The following RICTOR variants were observed in gnomAD, a reference collection of about 807,000 sequenced individuals.
RICTOR encodes RPTOR independent companion of MTOR complex 2.
RICTOR carries 49 observed loss-of-function variants against 214.9 expected under a neutral mutation model. The ratio of observed to expected loss-of-function variants is 0.23; its 90% CI spans 0.18 to 0.29. The LOEUF (loss-of-function observed/expected upper bound fraction) is 0.29. Ranked by LOEUF, RICTOR falls within the 10% of genes least tolerant of loss-of-function variation. RICTOR has a pLI of 1.00. For missense variants in RICTOR, 1,625 were observed against 2,047.0 expected (o/e 0.79, Z 3.98); for synonymous variants, 717 against 711.3 (o/e 1.01, Z -0.13).
At chr5:38,956,625 C>A (rs79297244) in intron 25 of RICTOR, among the ~76,000 whole-genome samples, 1 of 152,064 alleles carries the variant, frequency 6.6e-6, no homozygotes, top group Non-Finnish European at 1.5e-5. Flanking sequence ...TTTTGATAAT[C>A]CCTAAGGCAG....
chr5:38,966,817 T>TA (rs2150031408), intron 14 of RICTOR, 96 bp from the exon 15 acceptor site: 2 of 697,918 alleles, frequency 2.9e-6, no homozygotes, highest in Non-Finnish European at 2.4e-6. Flanking sequence ...TTTTTTTTTT[T>TA]AAGACAAGAG....
intron 11 of RICTOR, 125 bp from the exon 12 acceptor site, chr5:38,968,155 C>A: frequency 1.6e-6 from 1 of 630,664 alleles, no homozygotes; most frequent in Non-Finnish European, 2.9e-6. Context: ...TGTCACATAA[C>A]AATATTTTAG....
rs1255802073 is a variant in RICTOR at position 38,945,674 on chromosome 5, G to A, written c.4450C>T (p.Arg1484Ter). The change falls in exon 34 of 38, where the codon CGA becomes TGA. Residue 1484 changes from arginine to a stop codon, truncating the protein, a stop_gained. Transcript: ENST00000357387. LOFTEE classifies it high-confidence loss of function. ...ATTTCCGTAAGACTCATCTGCTGTCGTAGCAAGTGAAAAGAATTTTTTACA... is the reference window on the plus strand; with the variant it reads ...ATTTCCGTAAGACTCATCTGCTGTCATAGCAAGTGAAAAGAATTTTTTACA... ...GLVKNSFHLLRQQMSLTEIMN... is the reference protein window; with the variant it reads ...GLVKNSFHLL 2 of 1,613,774 alleles carry A rather than the reference G, an allele frequency of 1.2e-6. No homozygotes were observed. The highest frequency in any genetic ancestry group is 1.1e-5 in the South Asian group (1 of 91,074).
intron 6 of RICTOR, among the ~76,000 whole-genome samples, chr5:38,991,688 A>C (rs986150107): frequency 1.4e-4 from 22 of 152,128 alleles, no homozygotes; most frequent in Admixed American, 3.9e-4. Flanking sequence ...TTAATATTTC[A>C]AAAATCCTGA....
chr5:39,048,105 T>C (rs1160756807), intron 2 of RICTOR, among the ~76,000 whole-genome samples: 2 of 152,226 alleles, frequency 1.3e-5, no homozygotes, highest in African/African-American at 4.8e-5. Flanking sequence ...AACAACTACC[T>C]GGCTACCAAA....
At chr5:38,985,619 G>C (rs1405940090) in intron 7 of RICTOR, among the ~76,000 whole-genome samples, 3 of 151,890 alleles carry the variant, frequency 2.0e-5, no homozygotes, top group African/African-American at 7.3e-5. Flanking sequence ...CCAATGATCA[G>C]ATAAATATTC....
intron 2 of RICTOR, among the ~76,000 whole-genome samples, chr5:39,032,426 T>C (rs1756341248): frequency 1.3e-5 from 2 of 152,258 alleles, no homozygotes; most frequent in Non-Finnish European, 2.9e-5. Flanking sequence ...TTAACTGGAT[T>C]ATAATGTTCC....
At chr5:39,008,692 C>G (rs1349176533) in intron 3 of RICTOR, among the ~76,000 whole-genome samples, 1 of 151,712 alleles carries the variant, frequency 6.6e-6, no homozygotes, top group African/African-American at 2.4e-5. Context: ...CTATTGTTTT[C>G]TCCAGAACTG....
intron 3 of RICTOR, among the ~76,000 whole-genome samples, chr5:39,005,351 T>A (rs1753975649): frequency 6.6e-6 from 1 of 152,146 alleles, no homozygotes; most frequent in South Asian, 2.1e-4. Context: ...ATCCTCTTTT[T>A]TTTTTTTTCC....
At chr5:39,015,623 A>C (rs1754885234) in intron 3 of RICTOR, among the ~76,000 whole-genome samples, 1 of 151,894 alleles carries the variant, frequency 6.6e-6, no homozygotes, top group Admixed American at 6.6e-5. Context: ...AAAACAAATA[A>C]TCATCTGGCT....
intron 2 of RICTOR, among the ~76,000 whole-genome samples, chr5:39,054,048 C>G (rs1010334294): frequency 5.3e-5 from 8 of 152,122 alleles, no homozygotes; most frequent in Non-Finnish European, 1.0e-4. Context: ...AGCCACTGCG[C>G]TCCAGCCTGG....
intron 7 of RICTOR, 62 bp from the exon 8 acceptor site, chr5:38,982,098 A>G: frequency 7.9e-7 from 1 of 1,260,408 alleles, no homozygotes; most frequent in Non-Finnish European, 1.1e-6. Context: ...TAAAAAATCT[A>G]GGCTTTAAAA....
chr5:39,037,701 T>C (rs968737303), intron 2 of RICTOR, among the ~76,000 whole-genome samples: 2 of 152,056 alleles, frequency 1.3e-5, no homozygotes, highest in Non-Finnish European at 2.9e-5. Context: ...TCTATGCAAA[T>C]AAACTAGAAA....
At chr5:39,052,094 C>A (rs1435465070) in intron 2 of RICTOR, among the ~76,000 whole-genome samples, 1 of 152,114 alleles carries the variant, frequency 6.6e-6, no homozygotes, top group Non-Finnish European at 1.5e-5. Context: ...GGTAAATAGG[C>A]CAGGCGTGGT....
chr5:38,953,862 T>C (rs1472245874), intron 27 of RICTOR, among the ~76,000 whole-genome samples: 1 of 151,800 alleles, frequency 6.6e-6, no homozygotes, highest in East Asian at 1.9e-4. Context: ...TAATAAATTA[T>C]TGCACATACA....
intron 10 of RICTOR, among the ~76,000 whole-genome samples, chr5:38,973,662 GA>G: frequency 6.6e-6 from 1 of 152,144 alleles, no homozygotes; most frequent in Admixed American, 6.5e-5. Context: ...AATTCAAATC[GA>G]AACATACTAG....
chr5:39,009,936 T>G (rs1754370016), intron 3 of RICTOR, among the ~76,000 whole-genome samples: 1 of 152,216 alleles, frequency 6.6e-6, no homozygotes, highest in African/African-American at 2.4e-5. Context: ...TCTCCTAATT[T>G]AAATAACCAA....
intron 7 of RICTOR, among the ~76,000 whole-genome samples, chr5:38,987,063 A>T (rs945796979): frequency 3.3e-5 from 5 of 152,200 alleles, no homozygotes; most frequent in African/African-American, 1.2e-4. Flanking sequence ...CTTGCATCCC[A>T]GGGATGTGGC....
At chr5:38,986,154 G>A (rs992161078) in intron 7 of RICTOR, among the ~76,000 whole-genome samples, 5 of 152,074 alleles carry the variant, frequency 3.3e-5, no homozygotes, top group African/African-American at 7.2e-5. Flanking sequence ...ATTATGGGGC[G>A]GTTTTCTCCA....
Sources: gnomAD v4.1 joint callset for allele counts (sites outside exome capture counted in the v4.1 genomes callset) on GRCh38, gnomAD v4.1.1 for gene constraint, MANE v1.5 for transcripts, NCBI Gene and HGNC (gene_info 2026-07-23, HGNC 2026-07-21) for gene names.